Variants in PDE10A observed in about 807,000 individuals in gnomAD.
The protein encoded by PDE10A is phosphodiesterase 10A.
PDE10A carries 39 observed loss-of-function variants against 97.7 expected under a neutral mutation model. The ratio of observed to expected loss-of-function variants is 0.40; its 90% CI spans 0.31 to 0.52. The LOEUF (loss-of-function observed/expected upper bound fraction) is 0.52. PDE10A is among the 20% of genes least tolerant of loss of function. The probability of loss-of-function intolerance (pLI) is 0.56; values close to 1 mark genes in which losing one functional copy is unlikely to be tolerated. For synonymous variants in PDE10A, 371 were observed against 376.8 expected, an observed-to-expected ratio of 0.98 and a Z score of 0.18; for missense variants, 731 against 1,047.8, an observed-to-expected ratio of 0.70 and a Z score of 4.17.
chr6:165,350,138 G>A (rs772022771), intron 18 of PDE10A, among the ~76,000 whole-genome samples: 80 of 152,234 alleles, frequency 5.3e-4, no homozygotes, highest in Non-Finnish European at 9.3e-4. Context: ...AGCTTGCATC[G>A]TGCACCTGGA....
intron 3 of PDE10A, among the ~76,000 whole-genome samples, chr6:165,475,998 A>G (rs1779273228): frequency 6.6e-6 from 1 of 152,140 alleles, no homozygotes; most frequent in African/African-American, 2.4e-5. Context: ...GACGCTCACT[A>G]TCCAGCCCTC....
chr6:165,808,072 C>T (rs1240492684), intron 1 of PDE10A, among the ~76,000 whole-genome samples: 1 of 152,178 alleles, frequency 6.6e-6, no homozygotes, highest in Non-Finnish European at 1.5e-5. Context: ...TACGGCCTCA[C>T]GTGCTCTGCT....
chr6:165,816,862 A>C (rs1185125809), intron 1 of PDE10A, among the ~76,000 whole-genome samples: 1 of 152,074 alleles, frequency 6.6e-6, no homozygotes, highest in Non-Finnish European at 1.5e-5. Flanking sequence ...GCTGGGCACA[A>C]GGGGGACAGT....
chr6:165,678,637 G>A (rs1457092686), intron 1 of PDE10A, among the ~76,000 whole-genome samples: 2 of 152,056 alleles, frequency 1.3e-5, no homozygotes, highest in African/African-American at 4.8e-5. Context: ...TCCCCAGCCC[G>A]TGTCGCTGGC....
chr6:165,775,473 C>T (rs926102527), intron 1 of PDE10A: 2 of 152,134 alleles, frequency 1.3e-5, no homozygotes, highest in Non-Finnish European at 2.9e-5. Context: ...GTTTGCTGGT[C>T]GTGAACTTTT....
chr6:165,831,863 A>C (rs981158587), intron 1 of PDE10A, among the ~76,000 whole-genome samples: 1 of 151,962 alleles, frequency 6.6e-6, no homozygotes, highest in African/African-American at 2.4e-5. Context: ...ACTTACTAAC[A>C]CTTCATATTC....
Position 165,392,685 on chromosome 6 carries a change from G to A in PDE10A, c.2415C>T (p.Ala805=). 3.1e-6 allele frequency: 5 copies of A among 1,613,986 alleles called. No homozygotes were observed. Among genetic ancestry groups the A allele is most frequent in the South Asian group, 1.1e-5 (1 of 91,076 alleles). Residue 805 remains alanine (A), a synonymous_variant, in exon 16 of 22, where the codon GCC becomes GCT. Transcript: ENST00000539869. ...AAAGCGTGTGATTGTTCTGAAGTAT[G>A]GCATACATGCAGTGTGCTACAGTGA... ...HAVTVAHCMY[A]ILQNNHTLFT...
intron 1 of PDE10A, among the ~76,000 whole-genome samples, chr6:165,634,230 T>G (rs1435551937): frequency 6.6e-6 from 1 of 152,156 alleles, no homozygotes; most frequent in African/African-American, 2.4e-5. Context: ...TGCATGTGTC[T>G]GCAGCGGTGC....
chr6:165,334,309 C>T (rs935366288), intron 21 of PDE10A, among the ~76,000 whole-genome samples: 1 of 150,634 alleles, frequency 6.6e-6, no homozygotes, highest in Admixed American at 6.6e-5. Flanking sequence ...CTCCATAGCG[C>T]CTTACAGCGC....
At chr6:165,869,567 A>G (rs1159832742) in intron 1 of PDE10A, among the ~76,000 whole-genome samples, 1 of 152,120 alleles carries the variant, frequency 6.6e-6, no homozygotes, top group Admixed American at 6.5e-5. Flanking sequence ...AAATACCAAT[A>G]ACATTCTTTG....
intron 2 of PDE10A, among the ~76,000 whole-genome samples, chr6:165,522,920 A>C (rs1782215438): frequency 6.6e-6 from 1 of 152,180 alleles, no homozygotes; most frequent in Non-Finnish European, 1.5e-5. Context: ...TGGCATCAAT[A>C]AAATTTCAAG....
chr6:165,798,990 GA>G (rs1300167464), intron 1 of PDE10A, among the ~76,000 whole-genome samples: 1 of 152,170 alleles, frequency 6.6e-6, no homozygotes, highest in African/African-American at 2.4e-5. Flanking sequence ...TTATAGGCGT[GA>G]GTCACTGCAC....
rs1038213607 is a variant in PDE10A, at chr6:165,418,581, G to A, written c.1796+54C>T. Reference sequence around the variant, plus strand: ...GAATAGGCACAGAAAAATGGGTAACGGAACGCCTGCACATCTACCGTAAGA... The same window carrying A: ...GAATAGGCACAGAAAAATGGGTAACAGAACGCCTGCACATCTACCGTAAGA... On this transcript the variant is annotated intron_variant, in intron 11 of 21. Coordinates refer to ENST00000539869, the MANE Select transcript of PDE10A (RefSeq NM_001385079.1). The surrounding 1 kb of genome is among the most constrained non-coding windows in gnomAD (Gnocchi z 4.8). 34 of 1,547,522 alleles carry A rather than the reference G, an allele frequency of 2.2e-5. No homozygotes were observed. The highest frequency in any genetic ancestry group is 1.6e-4 in the East Asian group (7 of 44,498).
At chr6:165,865,594 T>C (rs1159905181) in intron 1 of PDE10A, among the ~76,000 whole-genome samples, 1 of 151,988 alleles carries the variant, frequency 6.6e-6, no homozygotes, top group Non-Finnish European at 1.5e-5. Flanking sequence ...ACAGATAGCA[T>C]AAAAGGAACC....
chr6:165,668,627 G>C (rs998925521), intron 1 of PDE10A, among the ~76,000 whole-genome samples: 1 of 151,662 alleles, frequency 6.6e-6, no homozygotes, highest in Non-Finnish European at 1.5e-5. Flanking sequence ...ATTTAATCCA[G>C]GGACTTGGAG....
chr6:165,925,472 A>C (rs1444118760), intron 1 of PDE10A, among the ~76,000 whole-genome samples: 2 of 152,232 alleles, frequency 1.3e-5, no homozygotes, highest in Non-Finnish European at 2.9e-5. Context: ...TAATAATAAA[A>C]AAACACTGGA....
At chr6:165,758,065 T>G (rs1793158882) in intron 1 of PDE10A, among the ~76,000 whole-genome samples, 1 of 152,236 alleles carries the variant, frequency 6.6e-6, no homozygotes, top group Non-Finnish European at 1.5e-5. Context: ...GAACTGTCAT[T>G]AGTGACAATA....
chr6:165,472,893 C>A (rs1779095091), intron 3 of PDE10A, among the ~76,000 whole-genome samples: 1 of 152,134 alleles, frequency 6.6e-6, no homozygotes, highest in Admixed American at 6.5e-5. Context: ...AAACCTTCAA[C>A]TGTAACAGTA....
chr6:165,565,329 A>C (rs1583551733), intron 1 of PDE10A, among the ~76,000 whole-genome samples: 2 of 152,210 alleles, frequency 1.3e-5, no homozygotes, highest in East Asian at 3.8e-4. Context: ...TTTTGAAATT[A>C]AAGGCACAAT....
Sources: allele counts gnomAD v4.1 joint callset (sites outside exome capture counted in the v4.1 genomes callset), GRCh38; gene constraint gnomAD v4.1.1; non-coding constraint Gnocchi (gnomAD v3.1); transcripts MANE v1.5; gene names NCBI Gene and HGNC (gene_info 2026-07-23, HGNC 2026-07-21).